The following SDK1 variants were observed in gnomAD, a reference collection of about 807,000 sequenced individuals.
SDK1 encodes sidekick cell adhesion molecule 1.
Under a neutral mutation model 245.5 loss-of-function variants are expected in SDK1, and 157 were observed. That is an observed-to-expected ratio of 0.64 (90% CI 0.56 to 0.73). The LOEUF is 0.73. Among genes scored for constraint, SDK1 ranks in the 30% least tolerant of loss-of-function variants. The pLI, the probability that SDK1 is intolerant of heterozygous loss-of-function variation, is 0.00. For synonymous variants in SDK1, 1,647 were observed against 1,278.5 expected (o/e 1.29, Z -6.15); for missense variants, 3,583 against 3,002.3 (o/e 1.19, Z -4.52).
At chr7:3,581,642 A>G (rs886374400) in intron 1 of SDK1, among the ~76,000 whole-genome samples, 6 of 152,232 alleles carry the variant, frequency 3.9e-5, no homozygotes, top group Non-Finnish European at 1.5e-5. Context: ...AATCCCATTA[A>G]TGGGTATATA....
intron 1 of SDK1, among the ~76,000 whole-genome samples, chr7:3,594,840 T>C (rs1369121167): frequency 2.0e-5 from 3 of 152,200 alleles, no homozygotes; most frequent in African/African-American, 7.2e-5. Flanking sequence ...GAGGATAGTT[T>C]TAAAATCAAG....
At chr7:3,817,040 T>A (rs544491643) in intron 4 of SDK1, among the ~76,000 whole-genome samples, 2 of 152,220 alleles carry the variant, frequency 1.3e-5, no homozygotes, top group Admixed American at 6.5e-5. Flanking sequence ...TTACTAAACA[T>A]TTTACTGAAT....
chr7:3,672,766 T>TATATATATATAC (rs1562646654), intron 4 of SDK1, among the ~76,000 whole-genome samples: 1 of 74,294 alleles, frequency 1.3e-5, no homozygotes, highest in Non-Finnish European at 2.6e-5. Context: ...ATTTTATATA[T>TATATATATATAC]ATATATATAT....
At chr7:4,231,222 A>G (rs1169654629) in intron 40 of SDK1, among the ~76,000 whole-genome samples, 1 of 152,184 alleles carries the variant, frequency 6.6e-6, no homozygotes, top group Non-Finnish European at 1.5e-5. Flanking sequence ...TTCTGACATT[A>G]TTAGTGGTGA....
chr7:4,153,005 T>A (rs651841), intron 30 of SDK1, among the ~76,000 whole-genome samples: 19,439 of 152,140 alleles, frequency 0.13, 1,390 homozygotes, highest in Middle Eastern at 0.16. Flanking sequence ...CTGAGCCCAG[T>A]GTGACTTGGA....
intron 1 of SDK1, among the ~76,000 whole-genome samples, chr7:3,364,646 C>G (rs1209826430): frequency 6.6e-6 from 1 of 151,988 alleles, no homozygotes; most frequent in Non-Finnish European, 1.5e-5. Context: ...TGTATGTCCC[C>G]CAGCTGATAA....
intron 5 of SDK1, among the ~76,000 whole-genome samples, chr7:3,935,498 C>T (rs1231037147): frequency 6.6e-6 from 1 of 152,026 alleles, no homozygotes; most frequent in Non-Finnish European, 1.5e-5. Flanking sequence ...GGATTAAAAT[C>T]GAGACTATAC....
At chr7:3,626,937 T>A (rs936857532) in intron 2 of SDK1, among the ~76,000 whole-genome samples, 1 of 152,104 alleles carries the variant, frequency 6.6e-6, no homozygotes, top group African/African-American at 2.4e-5. Flanking sequence ...ATTTTTTTTT[T>A]TTTATTTTGA....
chr7:4,113,251 T>G, intron 23 of SDK1, 38 bp from the exon 24 acceptor site: 2 of 1,597,420 alleles, frequency 1.3e-6, no homozygotes. Context: ...TTCTTACCTT[T>G]GCTTTGCCGT....
chr7:3,688,823 C>CA (rs753207255), intron 4 of SDK1, among the ~76,000 whole-genome samples: 23 of 152,186 alleles, frequency 1.5e-4, no homozygotes, highest in Non-Finnish European at 2.9e-4. Flanking sequence ...CTGAGGCACA[C>CA]ACCGCTCATG....
At chr7:4,073,455 A>G (rs1192333458) in intron 20 of SDK1, among the ~76,000 whole-genome samples, 4 of 152,204 alleles carry the variant, frequency 2.6e-5, no homozygotes, top group Non-Finnish European at 5.9e-5. Context: ...AATAAATTCT[A>G]TCAACACTGC....
At position 3,301,818 on chromosome 7, in the gene SDK1, C is replaced by A. The variant is rs1020658052; in HGVS notation, c.232C>A (p.Pro78Thr). 1.1e-5 allele frequency: 12 copies of A among 1,087,884 alleles called. 1 individual carries two copies. The South Asian group carries it at 3.9e-4, about 35-fold the overall frequency. The allele number at this position is 1,087,884 out of a possible 1,614,324, so 67.4% of individuals were successfully genotyped here. A position where few individuals can be genotyped will look rare whatever the true frequency, so the allele number is the denominator to read the frequency against. ...CGGGCGGCGGGCGGCAAAGTTGGGG[C>A]CGGGCCGCCGCGGCTGGTGGGCGCT... The part of the protein sequence containing the change: ...CGGRRAAKLG[P>T]GRRGWWALLA... The change falls in exon 1 of 45, where the codon CCG (proline) becomes ACG (threonine). Residue 78 changes from proline (P) to threonine (T), a missense_variant. Physicochemically the swap from Pro to Thr is conservative, Grantham distance 38. Transcript: ENST00000404826.
chr7:3,763,603 G>C (rs1780167165), intron 4 of SDK1, among the ~76,000 whole-genome samples: 1 of 152,072 alleles, frequency 6.6e-6, no homozygotes, highest in Admixed American at 6.5e-5. Context: ...GCTAAAATTT[G>C]CACACAATAA....
intron 1 of SDK1, among the ~76,000 whole-genome samples, chr7:3,466,824 C>A (rs1324246638): frequency 1.3e-5 from 2 of 151,676 alleles, no homozygotes; most frequent in African/African-American, 2.4e-5. Flanking sequence ...TTTTCATAAC[C>A]AAGGATTTTT....
intron 1 of SDK1, among the ~76,000 whole-genome samples, chr7:3,397,563 T>G (rs929442413): frequency 6.6e-6 from 1 of 152,010 alleles, no homozygotes; most frequent in Admixed American, 6.6e-5. Context: ...GTTAATCTTA[T>G]AGAGGATTCC....
At chr7:3,912,383 A>T (rs918012784) in intron 5 of SDK1, among the ~76,000 whole-genome samples, 1 of 152,254 alleles carries the variant, frequency 6.6e-6, no homozygotes, top group Non-Finnish European at 1.5e-5. Flanking sequence ...TAACTGGTGC[A>T]CAGTAGGCAC....
At chr7:3,758,760 G>A (rs1780010442) in intron 4 of SDK1, among the ~76,000 whole-genome samples, 1 of 152,148 alleles carries the variant, frequency 6.6e-6, no homozygotes. Context: ...AACCAAGACT[G>A]AAGCATGGAG....
chr7:3,896,106 C>T (rs1005424404), intron 5 of SDK1, among the ~76,000 whole-genome samples: 88 of 152,164 alleles, frequency 5.8e-4, no homozygotes, highest in African/African-American at 1.8e-3. Context: ...TTGATAGTCC[C>T]GTTCAAGTCT....
chr7:3,440,191 A>G (rs1404648496), intron 1 of SDK1, among the ~76,000 whole-genome samples: 1 of 152,184 alleles, frequency 6.6e-6, no homozygotes, highest in Non-Finnish European at 1.5e-5. Context: ...TGTGCCCTGT[A>G]AAATGAAGGT....
Sources: gnomAD v4.1 joint callset for allele counts (sites outside exome capture counted in the v4.1 genomes callset) on GRCh38, gnomAD v4.1.1 for gene constraint, MANE v1.5 for transcripts, NCBI Gene and HGNC (gene_info 2026-07-23, HGNC 2026-07-21) for gene names.